The following RELN variants were observed in gnomAD, a reference collection of about 807,000 sequenced individuals.
The protein encoded by RELN is reelin.
In RELN, 108 loss-of-function variants were observed where a neutral mutation model predicts 427.6. The observed-to-expected ratio is 0.25, with a 90% CI of 0.22 to 0.30. The LOEUF is 0.30. RELN is among the 10% of genes least tolerant of loss of function. RELN has a pLI of 1.00. For synonymous variants in RELN, 1,524 were observed against 1,513.4 expected (o/e 1.01, Z -0.16); for missense variants, 3,715 against 4,302.8 (o/e 0.86, Z 3.82).
intron 2 of RELN, among the ~76,000 whole-genome samples, chr7:103,894,239 T>A (rs1381787839): frequency 6.6e-6 from 1 of 152,180 alleles, no homozygotes; most frequent in Non-Finnish European, 1.5e-5. Context: ...TCGTTATTTA[T>A]AAAACTTTTC....
At chr7:103,880,448 T>C (rs1030630472) in intron 2 of RELN, among the ~76,000 whole-genome samples, 1 of 152,140 alleles carries the variant, frequency 6.6e-6, no homozygotes, top group Non-Finnish European at 1.5e-5. Context: ...CCAATAATTA[T>C]AGGTTATATA....
intron 1 of RELN, among the ~76,000 whole-genome samples, chr7:103,966,265 A>C (rs1796658871): frequency 6.6e-6 from 1 of 151,928 alleles, no homozygotes; most frequent in Non-Finnish European, 1.5e-5. Flanking sequence ...GTCTCCCAGC[A>C]GCTCAGGGTA....
In RELN at chr7:103,989,372, G is replaced by A. The variant is rs1797177243; in HGVS notation, c.-16C>T. 1 of 1,424,978 alleles carries A rather than the reference G, an allele frequency of 7.0e-7. No homozygotes were observed. The highest frequency in any genetic ancestry group is 9.2e-7 in the Non-Finnish European group (1 of 1,092,624). The allele number at this position is 1,424,978 out of a possible 1,614,324, so 88.3% of individuals were successfully genotyped here. A position where few individuals can be genotyped will look rare whatever the true frequency, so the allele number is the denominator to read the frequency against. On this transcript the variant is annotated 5_prime_UTR_variant, in exon 1 of 65. Coordinates refer to ENST00000428762, the MANE Select transcript of RELN (RefSeq NM_005045.4). The surrounding 1 kb of genome is among the most constrained non-coding windows in gnomAD (Gnocchi z 4.9). ...TGCGCTCCATGCCGCCGCCGCCGCC[G>A]CCGCCGCCGCGCGCCCTACGCGCCG...
Position 103,635,298 on chromosome 7 carries a change from C to T in RELN, c.2465+127G>A, listed in dbSNP as rs549589155. On this transcript the variant is annotated intron_variant, in intron 19 of 64. Transcript: ENST00000428762. ...GGCTTGGTAGTTTTTCACTGCAAGA[C>T]ACATCAATCTTTGTGCGCTCCATCT... 1.4e-5 allele frequency: 14 copies of T among 980,734 alleles called. No individual in the cohort carries two copies. The East Asian group carries it at 3.1e-4, about 22-fold the overall frequency. 60.8% of individuals were successfully genotyped at this position (980,734 alleles called of 1,614,324 possible). A position where few individuals can be genotyped will look rare whatever the true frequency, so the allele number is the denominator to read the frequency against.
chr7:103,628,551 C>T (rs774824011), intron 20 of RELN, among the ~76,000 whole-genome samples: 14 of 152,140 alleles, frequency 9.2e-5, no homozygotes, highest in Non-Finnish European at 1.8e-4. Flanking sequence ...AGAATTTTAG[C>T]CTGCTGTGTG....
intron 17 of RELN, among the ~76,000 whole-genome samples, chr7:103,638,718 T>C (rs1197857831): frequency 6.6e-6 from 1 of 152,150 alleles, no homozygotes; most frequent in Non-Finnish European, 1.5e-5. Flanking sequence ...GGTGAAAATA[T>C]TCCATAAAAC....
chr7:103,527,204 G>A (rs1458489774), intron 46 of RELN, among the ~76,000 whole-genome samples: 2 of 152,114 alleles, frequency 1.3e-5, no homozygotes, highest in African/African-American at 4.8e-5. Context: ...ATCTACCTAT[G>A]AAGTCCTCAC....
At chr7:103,682,397 C>G in intron 10 of RELN, 136 bp from the exon 11 acceptor site, 1 of 874,196 alleles carries the variant, frequency 1.1e-6, no homozygotes, top group South Asian at 1.4e-5. Flanking sequence ...ATCAAAAGAG[C>G]TTGTTACCTC....
chr7:103,937,381 G>C (rs1417622674), intron 1 of RELN, among the ~76,000 whole-genome samples: 1 of 152,176 alleles, frequency 6.6e-6, no homozygotes, highest in African/African-American at 2.4e-5. Context: ...TTTAAAACTT[G>C]ATGCCTTTAG....
chr7:103,718,377 C>T (rs1050464335), intron 8 of RELN, among the ~76,000 whole-genome samples: 3 of 150,496 alleles, frequency 2.0e-5, no homozygotes, highest in South Asian at 4.2e-4. Flanking sequence ...AAATAAAACC[C>T]GAATGTTTAG....
At chr7:103,870,287 T>A (rs1794299142) in intron 2 of RELN, among the ~76,000 whole-genome samples, 1 of 152,098 alleles carries the variant, frequency 6.6e-6, no homozygotes, top group South Asian at 2.1e-4. Context: ...GGCTCCTGCT[T>A]TCCTGTTTAT....
chr7:103,521,870 A>G, intron 48 of RELN, 152 bp downstream of exon 48: 1 of 718,916 alleles, frequency 1.4e-6, no homozygotes, highest in South Asian at 1.6e-5. Context: ...TAGCATAAAG[A>G]TTTGTATAAA....
intron 16 of RELN, among the ~76,000 whole-genome samples, chr7:103,643,088 T>G (rs1249111939): frequency 6.6e-6 from 1 of 152,114 alleles, no homozygotes; most frequent in Non-Finnish European, 1.5e-5. Flanking sequence ...GTCTAAAGTT[T>G]TTCTCCAGTT....
At chr7:103,800,259 T>G (rs1270350294) in intron 3 of RELN, among the ~76,000 whole-genome samples, 1 of 152,214 alleles carries the variant, frequency 6.6e-6, no homozygotes, top group African/African-American at 2.4e-5. Context: ...GCCCAAAATC[T>G]CCTTCAGCTG....
At chr7:103,899,931 T>C (rs1201104907) in intron 2 of RELN, among the ~76,000 whole-genome samples, 1 of 152,088 alleles carries the variant, frequency 6.6e-6, no homozygotes, top group South Asian at 2.1e-4. Flanking sequence ...CAACACAGTA[T>C]TGGAAGTTCT....
At chr7:103,865,193 G>A (rs1003105118) in intron 2 of RELN, among the ~76,000 whole-genome samples, 1 of 144,574 alleles carries the variant, frequency 6.9e-6, no homozygotes, top group Admixed American at 6.9e-5. Flanking sequence ...AAGCTACCAC[G>A]ATTGAATCAT....
chr7:103,728,669 CT>C (rs1790274950), intron 6 of RELN, among the ~76,000 whole-genome samples: 1 of 152,094 alleles, frequency 6.6e-6, no homozygotes, highest in Non-Finnish European at 1.5e-5. Context: ...GTAATAGCCA[CT>C]TACATAAAAA....
intron 1 of RELN, among the ~76,000 whole-genome samples, chr7:103,983,869 G>C (rs1584421111): frequency 2.3e-5 from 3 of 132,674 alleles, no homozygotes; most frequent in South Asian, 5.5e-4. Flanking sequence ...ATTTCTGTGT[G>C]TGTGTGTGTG....
At chr7:103,804,905 A>T (rs1434421214) in intron 3 of RELN, among the ~76,000 whole-genome samples, 2 of 152,136 alleles carry the variant, frequency 1.3e-5, no homozygotes, top group Non-Finnish European at 2.9e-5. Context: ...TAATGTGGGG[A>T]AGTAAACAAA....
Sources: gnomAD v4.1 joint callset for allele counts (sites outside exome capture counted in the v4.1 genomes callset) on GRCh38, gnomAD v4.1.1 for gene constraint, Gnocchi (gnomAD v3.1) non-coding constraint, MANE v1.5 for transcripts, NCBI Gene and HGNC (gene_info 2026-07-23, HGNC 2026-07-21) for gene names.